UBE2E3: variants seen among roughly 807,000 people sequenced by gnomAD.
UBE2E3 encodes ubiquitin conjugating enzyme E2 E3.
A neutral mutation model predicts 23.6 loss-of-function variants in UBE2E3; 5 were observed. The observed-to-expected ratio is 0.21, with a 90% CI of 0.11 to 0.44. The LOEUF (loss-of-function observed/expected upper bound fraction) is 0.44. Ranked by LOEUF, UBE2E3 falls within the 20% of genes least tolerant of loss-of-function variation. The pLI is 0.99. For synonymous variants in UBE2E3, 78 were observed against 87.5 expected, an observed-to-expected ratio of 0.89 and a Z score of 0.60; for missense variants, 81 against 249.8, an observed-to-expected ratio of 0.32 and a Z score of 4.55.
intron 3 of UBE2E3, among the ~76,000 whole-genome samples, chr2:180,990,375 A>C (rs2105574224): frequency 6.6e-6 from 1 of 152,254 alleles, no homozygotes; most frequent in South Asian, 2.1e-4. Context: ...ACCCTCCTAT[A>C]GATATTTGTT....
chr2:181,010,449 T>C (rs1685288515), intron 3 of UBE2E3, among the ~76,000 whole-genome samples: 1 of 152,166 alleles, frequency 6.6e-6, no homozygotes, highest in African/African-American at 2.4e-5. Flanking sequence ...GTCAGTCTTA[T>C]AATCTGAAGA....
intron 3 of UBE2E3, among the ~76,000 whole-genome samples, chr2:181,005,398 A>C (rs567031538): frequency 3.1e-4 from 47 of 152,236 alleles, no homozygotes; most frequent in South Asian, 1.2e-3. Context: ...GTTCATGCCT[A>C]GGCCACTGCT....
At chr2:181,037,908 C>T (rs1686351402) in intron 3 of UBE2E3, among the ~76,000 whole-genome samples, 1 of 152,162 alleles carries the variant, frequency 6.6e-6, no homozygotes, top group Non-Finnish European at 1.5e-5. Flanking sequence ...TTCAAGATTG[C>T]AGTGAACTAT....
At chr2:181,054,607 T>C (rs1318941720) in intron 3 of UBE2E3, among the ~76,000 whole-genome samples, 1 of 151,906 alleles carries the variant, frequency 6.6e-6, no homozygotes, top group East Asian at 1.9e-4. Context: ...TTTTAATGGT[T>C]CATCGTATAT....
rs1460881706 is a variant in UBE2E3 at position 181,034,593 on chromosome 2, G to A, written c.246-23100G>A. ...CCTAATGTAAATGACAAGTTAATGG[G>A]TGCAGCACACCAACATGGCACATGT... On this transcript the variant is annotated intron_variant, in intron 3 of 5. Transcript: ENST00000410062. Among the ~76,000 whole-genome samples, 4 of 152,222 alleles carry A rather than the reference G, an allele frequency of 2.6e-5. 1 individual carries two copies. The South Asian group carries it at 6.2e-4, about 24-fold the overall frequency.
At chr2:181,059,187 G>A (rs1277689955) in intron 4 of UBE2E3, among the ~76,000 whole-genome samples, 1 of 151,520 alleles carries the variant, frequency 6.6e-6, no homozygotes, top group Non-Finnish European at 1.5e-5. Context: ...ATCTATAGTT[G>A]GACAAATGAA....
chr2:181,034,555 A>C (rs867948813), intron 3 of UBE2E3, among the ~76,000 whole-genome samples: 1 of 152,218 alleles, frequency 6.6e-6, no homozygotes, highest in African/African-American at 2.4e-5. Flanking sequence ...GAGAGATAGC[A>C]TTAGGAGATA....
At chr2:181,021,582 C>CCCTTCCTTCCTCCCTCCCTT (rs1230940895) in intron 3 of UBE2E3, among the ~76,000 whole-genome samples, 57 of 58,204 alleles carry the variant, frequency 9.8e-4, no homozygotes, top group African/African-American at 1.4e-3. Flanking sequence ...CTCCCTCCCT[C>CCCTTCCTTCCTCCCTCCCTT]CCTTCCTTCC....
chr2:181,018,149 G>T (rs1442371137), intron 3 of UBE2E3, among the ~76,000 whole-genome samples: 1 of 151,336 alleles, frequency 6.6e-6, no homozygotes, highest in Non-Finnish European at 1.5e-5. Flanking sequence ...GGTACTGCTG[G>T]CTGTCTTCTA....
At chr2:180,999,007 T>A (rs1195098346) in intron 3 of UBE2E3, among the ~76,000 whole-genome samples, 1 of 152,222 alleles carries the variant, frequency 6.6e-6, no homozygotes, top group Non-Finnish European at 1.5e-5. Flanking sequence ...GTCCCATGTG[T>A]CTTTTATTCT....
chr2:181,051,388 A>G (rs1212323438), intron 3 of UBE2E3, among the ~76,000 whole-genome samples: 1 of 151,806 alleles, frequency 6.6e-6, no homozygotes, highest in Non-Finnish European at 1.5e-5. Context: ...CATTTTTAAT[A>G]TTCTTCTTAG....
At chr2:181,054,323 T>C (rs549938777) in intron 3 of UBE2E3, among the ~76,000 whole-genome samples, 7 of 151,976 alleles carry the variant, frequency 4.6e-5, no homozygotes, top group Non-Finnish European at 1.0e-4. Flanking sequence ...TCTAGATATT[T>C]TGCATTTCCT....
intron 3 of UBE2E3, among the ~76,000 whole-genome samples, chr2:181,049,619 G>A (rs996497390): frequency 6.6e-6 from 1 of 151,978 alleles, no homozygotes; most frequent in Non-Finnish European, 1.5e-5. Context: ...AAGCTTTATA[G>A]TAATAGTTTT....
intron 3 of UBE2E3, among the ~76,000 whole-genome samples, chr2:181,037,464 C>T (rs2105658848): frequency 6.6e-6 from 1 of 152,088 alleles, no homozygotes; most frequent in African/African-American, 2.4e-5. Context: ...ATATATGCTC[C>T]TGAGCCTGTG....
chr2:181,055,188 T>C (rs979089614), intron 3 of UBE2E3, among the ~76,000 whole-genome samples: 1 of 151,136 alleles, frequency 6.6e-6, no homozygotes, highest in Admixed American at 6.6e-5. Flanking sequence ...TTCCAAGGAG[T>C]TTTGCTGTCA....
At chr2:181,034,654 T>C (rs528266478) in intron 3 of UBE2E3, among the ~76,000 whole-genome samples, 5 of 151,986 alleles carry the variant, frequency 3.3e-5, no homozygotes, top group South Asian at 2.1e-4. Flanking sequence ...TGTGCACATG[T>C]ACCCTAGAAC....
intron 4 of UBE2E3, 44 bp from the exon 5 acceptor site, chr2:181,060,621 T>C (rs1344182374): frequency 6.5e-7 from 1 of 1,529,954 alleles, no homozygotes; most frequent in Non-Finnish European, 8.8e-7. Context: ...TAATTGGTAA[T>C]ACAGCATTCA....
At chr2:181,018,616 T>TC (rs200807003) in intron 3 of UBE2E3, among the ~76,000 whole-genome samples, 3 of 148,282 alleles carry the variant, frequency 2.0e-5, no homozygotes, top group Non-Finnish European at 3.0e-5. Context: ...TTTTTTTTTT[T>TC]CCATTAGTGA....
At chr2:181,048,903 G>A (rs904386771) in intron 3 of UBE2E3, among the ~76,000 whole-genome samples, 9 of 152,022 alleles carry the variant, frequency 5.9e-5, no homozygotes, top group African/African-American at 2.2e-4. Flanking sequence ...AATTAAATTT[G>A]TTCTGCATCC....
Sources: gnomAD v4.1 joint callset for allele counts (sites outside exome capture counted in the v4.1 genomes callset) on GRCh38, gnomAD v4.1.1 for gene constraint, MANE v1.5 for transcripts, NCBI Gene and HGNC (gene_info 2026-07-23, HGNC 2026-07-21) for gene names.